Variants in DPP6 observed in about 807,000 individuals in gnomAD.
The protein encoded by DPP6 is A-type potassium channel modulatory protein DPP6.
In DPP6, 69 loss-of-function variants were observed where a neutral mutation model predicts 122.6. That is an observed-to-expected ratio of 0.56 (90% CI 0.46 to 0.69). The LOEUF (loss-of-function observed/expected upper bound fraction) is 0.69, where lower values mean the gene tolerates loss of function less well. DPP6 is among the 30% of genes least tolerant of loss of function. DPP6 has a pLI of 0.00. For missense variants in DPP6, 928 were observed against 1,116.9 expected (o/e 0.83, Z 2.41); for synonymous variants, 418 against 433.1 (o/e 0.97, Z 0.43).
chr7:154,293,018 A>G (rs1805309540), intron 1 of DPP6, among the ~76,000 whole-genome samples: 1 of 152,148 alleles, frequency 6.6e-6, no homozygotes, highest in African/African-American at 2.4e-5. Flanking sequence ...ATGTTCCCTA[A>G]GTAGTTATCT....
At chr7:154,281,096 T>C (rs1322080275) in intron 1 of DPP6, among the ~76,000 whole-genome samples, 3 of 151,858 alleles carry the variant, frequency 2.0e-5, no homozygotes, top group African/African-American at 7.3e-5. Context: ...CACTGCAACC[T>C]CCGCCTCCCA....
the DPP6 span, among the ~76,000 whole-genome samples, chr7:153,764,205 CCT>C: frequency 6.6e-6 from 1 of 152,128 alleles, no homozygotes; most frequent in African/African-American, 2.4e-5. Flanking sequence ...AGAAACTTTT[CCT>C]CTCTCTGAGC....
chr7:154,534,458 A>C (rs573911645), intron 3 of DPP6, among the ~76,000 whole-genome samples: 13 of 152,310 alleles, frequency 8.5e-5, no homozygotes, highest in African/African-American at 3.1e-4. Context: ...TTATTTGCAT[A>C]ACATGATTGT....
chr7:154,493,683 T>C (rs192987665), intron 3 of DPP6, among the ~76,000 whole-genome samples: 1 of 152,244 alleles, frequency 6.6e-6, no homozygotes, highest in Non-Finnish European at 1.5e-5. Context: ...TCATTTATAT[T>C]GTTGCCTTGT....
chr7:154,181,930 G>A (rs922060666), intron 1 of DPP6, among the ~76,000 whole-genome samples: 19 of 151,988 alleles, frequency 1.3e-4, no homozygotes, highest in African/African-American at 4.3e-4. Flanking sequence ...TTTATTTTTA[G>A]TAGAGACGGG....
chr7:154,223,099 G>A (rs1448768189), intron 1 of DPP6, among the ~76,000 whole-genome samples: 1 of 148,882 alleles, frequency 6.7e-6, no homozygotes, highest in Admixed American at 6.6e-5. Context: ...CACTCCTGTC[G>A]GCATTTGGCA....
chr7:153,916,260 A>T (rs917510969), intron 1 of DPP6, among the ~76,000 whole-genome samples: 2 of 151,788 alleles, frequency 1.3e-5, no homozygotes, highest in Non-Finnish European at 2.9e-5. Flanking sequence ...GGCGTGAGCC[A>T]CTGTGCCCGG....
Position 154,821,653 on chromosome 7 carries a change from T to TATATATACACACATATATATATACAC in DPP6, c.1666+14548_1666+14549insCACACATATATATATACACATATATA. 9.3e-6 allele frequency among the ~76,000 whole-genome samples: 1 copy of TATATATACACACATATATATATACAC among 107,094 alleles called. No individual in the cohort carries two copies. The highest frequency in any genetic ancestry group is 2.8e-4 in the South Asian group (1 of 3,536). The allele number at this position is 107,094 out of a possible 152,430, so 70.3% of individuals were successfully genotyped here. ...GTATATATATATATATATACACATA[T>TATATATACACACATATATATATACAC]ATATATATATACACATATATATATA... On this transcript the variant is annotated intron_variant, in intron 16 of 25. Coordinates refer to ENST00000377770, the MANE Select transcript of DPP6 (RefSeq NM_130797.4). The surrounding 1 kb of genome is among the most constrained non-coding windows in gnomAD (Gnocchi z 4.2).
chr7:154,162,585 A>T (rs1797037106), intron 1 of DPP6, among the ~76,000 whole-genome samples: 1 of 152,130 alleles, frequency 6.6e-6, no homozygotes, highest in Admixed American at 6.5e-5. Flanking sequence ...CAAACTCGAC[A>T]CCTGGAATCT....
At chr7:154,420,492 C>T (rs1179349551) in intron 1 of DPP6, among the ~76,000 whole-genome samples, 1 of 151,984 alleles carries the variant, frequency 6.6e-6, no homozygotes, top group African/African-American at 2.4e-5. Context: ...ATTGTGGTTG[C>T]CAGGCACTGG....
chr7:154,681,710 A>G (rs753521825), intron 7 of DPP6, among the ~76,000 whole-genome samples: 4 of 152,350 alleles, frequency 2.6e-5, no homozygotes, highest in Non-Finnish European at 5.9e-5. Flanking sequence ...CCTCTTCATC[A>G]TAATTCCTAA....
the DPP6 span, among the ~76,000 whole-genome samples, chr7:153,816,603 A>C: frequency 1.3e-5 from 2 of 152,252 alleles, no homozygotes; most frequent in Admixed American, 1.3e-4. Context: ...CCCAAAAGGA[A>C]CTATGTTTAT....
chr7:154,203,251 C>T (rs961326338), intron 1 of DPP6, among the ~76,000 whole-genome samples: 4 of 152,244 alleles, frequency 2.6e-5, no homozygotes, highest in Non-Finnish European at 4.4e-5. Flanking sequence ...CCTGAAGTTG[C>T]GCAAATACAG....
At chr7:154,443,160 T>G (rs536181847) in intron 1 of DPP6, among the ~76,000 whole-genome samples, 1 of 152,176 alleles carries the variant, frequency 6.6e-6, no homozygotes, top group Admixed American at 6.5e-5. Context: ...TGCCACTCCC[T>G]CTGTCTGGAT....
intron 5 of DPP6, among the ~76,000 whole-genome samples, chr7:154,608,336 TA>T (rs1384130581): frequency 4.8e-5 from 6 of 124,620 alleles, no homozygotes; most frequent in Admixed American, 8.8e-5. Flanking sequence ...TATATATATA[TA>T]TATATTTTGA....
the DPP6 span, among the ~76,000 whole-genome samples, chr7:153,786,703 C>T: frequency 1.4e-5 from 2 of 140,472 alleles, no homozygotes; most frequent in Admixed American, 1.5e-4. Context: ...CGCGCCACTG[C>T]ACTCCAGCCT....
At chr7:154,592,299 A>G (rs1215289496) in intron 5 of DPP6, among the ~76,000 whole-genome samples, 1 of 152,194 alleles carries the variant, frequency 6.6e-6, no homozygotes, top group Admixed American at 6.5e-5. Context: ...GAAGAAGAAG[A>G]AAGAAGATGC....
chr7:153,977,208 T>A (rs1339234681), intron 1 of DPP6, among the ~76,000 whole-genome samples: 1 of 151,534 alleles, frequency 6.6e-6, no homozygotes, highest in East Asian at 1.9e-4. Flanking sequence ...GGTGTGTGTG[T>A]GTGTGTGTGT....
At chr7:154,077,831 C>T (rs553463930) in intron 1 of DPP6, among the ~76,000 whole-genome samples, 1 of 151,864 alleles carries the variant, frequency 6.6e-6, no homozygotes, top group African/African-American at 2.4e-5. Context: ...TCACCATGCC[C>T]AGCTAATTTT....
Sources: allele counts gnomAD v4.1 joint callset (sites outside exome capture counted in the v4.1 genomes callset), GRCh38; gene constraint gnomAD v4.1.1; non-coding constraint Gnocchi (gnomAD v3.1); transcripts MANE v1.5; gene names NCBI Gene and HGNC (gene_info 2026-07-23, HGNC 2026-07-21).